The following ZFAT variants were observed in gnomAD, a reference collection of about 807,000 sequenced individuals.
ZFAT encodes the protein zinc finger protein ZFAT.
Under a neutral mutation model 117.7 loss-of-function variants are expected in ZFAT, and 64 were observed. The ratio of observed to expected loss-of-function variants is 0.54; its 90% confidence interval spans 0.44 to 0.67. The LOEUF (loss-of-function observed/expected upper bound fraction) is 0.67, where lower values mean the gene tolerates loss of function less well. Ranked by LOEUF, ZFAT falls within the 30% of genes least tolerant of loss-of-function variation. The pLI, the probability that ZFAT is intolerant of heterozygous loss-of-function variation, is 0.00. For missense variants in ZFAT, 1,433 were observed against 1,584.5 expected, an observed-to-expected ratio of 0.90 and a Z score of 1.62; for synonymous variants, 679 against 615.0, an observed-to-expected ratio of 1.10 and a Z score of -1.54.
chr8:134,668,947 T>G (rs1832404397), intron 1 of ZFAT, among the ~76,000 whole-genome samples: 2 of 152,024 alleles, frequency 1.3e-5, no homozygotes, highest in South Asian at 2.1e-4. Context: ...GAGAACTACA[T>G]GACAAATGCA....
Position 134,708,290 on chromosome 8 carries a change from C to T in ZFAT, c.19+4555G>A, listed in dbSNP as rs201067132. On this transcript the variant is annotated intron_variant, in intron 1 of 15. Coordinates refer to ENST00000377838, the MANE Select transcript of ZFAT (RefSeq NM_020863.4). ...CACAGCATGGTGAATACAGTAATAA[C>T]GTACATTTCAAATTTGCTAAGAGTA... Among the ~76,000 whole-genome samples the T allele has an allele frequency of 5.3e-5, 8 of 151,998 alleles. No individual in the cohort carries two copies. The East Asian group carries it at 1.6e-3, about 30-fold the overall frequency.
intron 13 of ZFAT, 44 bp downstream of exon 13, chr8:134,520,839 G>T: frequency 6.6e-7 from 1 of 1,504,012 alleles, no homozygotes; most frequent in Non-Finnish European, 9.2e-7. Flanking sequence ...TTTGTCATCT[G>T]TGTTTTGAAA....
At chr8:134,514,168 C>T (rs1372705538) in intron 13 of ZFAT, among the ~76,000 whole-genome samples, 5 of 152,232 alleles carry the variant, frequency 3.3e-5, no homozygotes, top group Non-Finnish European at 5.9e-5. Context: ...TGGCAGCTTC[C>T]TGGCTGTTCA....
chr8:134,754,512 G>T, the ZFAT span, among the ~76,000 whole-genome samples: 1 of 152,200 alleles, frequency 6.6e-6, no homozygotes, highest in African/African-American at 2.4e-5. Context: ...TCCAACTCCA[G>T]GACTGCCCCT....
intron 15 of ZFAT, among the ~76,000 whole-genome samples, chr8:134,488,829 T>C (rs1817837420): frequency 6.6e-6 from 1 of 151,964 alleles, no homozygotes; most frequent in Non-Finnish European, 1.5e-5. Context: ...GTGGGATTCC[T>C]ACGAGTCTGA....
At chr8:134,522,463 C>T (rs10283274) in intron 12 of ZFAT, among the ~76,000 whole-genome samples, 23,903 of 152,248 alleles carry the variant, frequency 0.16, 2,959 homozygotes, top group African/African-American at 0.33. Context: ...CGGGCCATCT[C>T]TTACTTTCAC....
chr8:134,613,094 C>A (rs539733384), intron 3 of ZFAT, among the ~76,000 whole-genome samples: 4 of 152,188 alleles, frequency 2.6e-5, no homozygotes, highest in Admixed American at 2.6e-4. Context: ...AAGGTAGAAA[C>A]AACATTTTAC....
At chr8:134,613,361 C>T (rs1273624792) in intron 3 of ZFAT, among the ~76,000 whole-genome samples, 1 of 152,186 alleles carries the variant, frequency 6.6e-6, no homozygotes, top group Non-Finnish European at 1.5e-5. Context: ...CTGGATAAAC[C>T]GCGTCCGGAC....
the ZFAT span, chr8:134,722,942 T>C: frequency 6.6e-6 from 1 of 151,904 alleles, no homozygotes; most frequent in Non-Finnish European, 1.5e-5. Context: ...AAGTGGAAAT[T>C]AGGACAGAGA....
At chr8:134,689,160 C>G (rs1445069862) in intron 1 of ZFAT, among the ~76,000 whole-genome samples, 1 of 152,236 alleles carries the variant, frequency 6.6e-6, no homozygotes, top group East Asian at 1.9e-4. Context: ...TAACAGTTTA[C>G]CACTGCAATG....
At chr8:134,589,959 A>C (rs1207342396) in intron 8 of ZFAT, among the ~76,000 whole-genome samples, 1 of 152,212 alleles carries the variant, frequency 6.6e-6, no homozygotes, top group African/African-American at 2.4e-5. Flanking sequence ...ACACAAGCTT[A>C]TGACAACAGC....
chr8:134,550,210 T>G (rs6578229), intron 11 of ZFAT, among the ~76,000 whole-genome samples: 56,048 of 149,406 alleles, frequency 0.38, 10,774 homozygotes, highest in East Asian at 0.67. Context: ...TGCTGGGAGA[T>G]AAAAATCTTT....
the ZFAT span, among the ~76,000 whole-genome samples, chr8:134,721,642 G>A: frequency 6.6e-6 from 1 of 152,184 alleles, no homozygotes. Context: ...CTACCTGCTG[G>A]ACTCCTTTCC....
chr8:134,629,886 C>T (rs1473005605), intron 3 of ZFAT, among the ~76,000 whole-genome samples: 1 of 152,202 alleles, frequency 6.6e-6, no homozygotes, highest in African/African-American at 2.4e-5. Context: ...ATGACAGATG[C>T]TCTTCTGAGC....
At chr8:134,572,644 C>A (rs1586733227) in intron 10 of ZFAT, among the ~76,000 whole-genome samples, 1 of 152,138 alleles carries the variant, frequency 6.6e-6, no homozygotes, top group Non-Finnish European at 1.5e-5. Context: ...CGCTTCTTTT[C>A]CTCTTGGGCA....
intron 3 of ZFAT, among the ~76,000 whole-genome samples, chr8:134,634,786 ACT>A (rs1460237244): frequency 6.6e-6 from 1 of 152,006 alleles, no homozygotes; most frequent in African/African-American, 2.4e-5. Context: ...AGGGAGAAAG[ACT>A]CTGTACTCTG....
chr8:134,509,765 CAA>C lies in ZFAT; in HGVS notation c.3362-18_3362-17del. On this transcript the variant is annotated splice_polypyrimidine_tract_variant and intron_variant, in intron 14 of 15. Transcript: ENST00000377838. ...AGTCGGTCGCCTTAAGAGGAAGAAG[CAA>C]AGAGGACACCATTCAGGCCACTGGT... 1.3e-6 allele frequency: 2 copies of C among 1,585,780 alleles called. No homozygotes were observed. Among genetic ancestry groups the C allele is most frequent in the East Asian group, 2.2e-5 (1 of 44,582 alleles).
At chr8:134,504,202 C>A (rs1819218060) in intron 15 of ZFAT, among the ~76,000 whole-genome samples, 2 of 152,154 alleles carry the variant, frequency 1.3e-5, no homozygotes. Flanking sequence ...ATGACCCACA[C>A]CACTTCACTG....
chr8:134,825,551 A>G, the ZFAT span, among the ~76,000 whole-genome samples: 3 of 152,220 alleles, frequency 2.0e-5, no homozygotes, highest in African/African-American at 7.2e-5. Context: ...GAAAACAACA[A>G]CCCTGGAGCA....
Sources: gnomAD v4.1 joint callset for allele counts (sites outside exome capture counted in the v4.1 genomes callset) on GRCh38, gnomAD v4.1.1 for gene constraint, MANE v1.5 for transcripts, NCBI Gene and HGNC (gene_info 2026-07-23, HGNC 2026-07-21) for gene names.